PRKDC: variants seen among roughly 807,000 people sequenced by gnomAD.
The protein encoded by PRKDC is protein kinase, DNA-activated, catalytic subunit.
Under a neutral mutation model 486.9 loss-of-function variants are expected in PRKDC, and 82 were observed. The ratio of observed to expected loss-of-function variants is 0.17; its 90% CI spans 0.14 to 0.20. The LOEUF is 0.20. PRKDC is among the 10% of genes least tolerant of loss of function. The pLI is 1.00. For missense variants in PRKDC, 4,504 were observed against 5,038.2 expected, an observed-to-expected ratio of 0.89 and a Z score of 3.21; for synonymous variants, 1,895 against 1,837.0, an observed-to-expected ratio of 1.03 and a Z score of -0.81.
At position 47,807,152 on chromosome 8, in the gene PRKDC, G is replaced by C; in HGVS notation, c.9732C>G (p.Asp3244Glu). The C allele has an allele frequency of 6.2e-7, 1 of 1,613,904 alleles. No individual in the cohort carries two copies. ...GAGTACCCACCTGCTTCCGGGCACTGTCTATCATCTTCATTTTCATGGAAA... is the reference window on the plus strand; with the variant it reads ...GAGTACCCACCTGCTTCCGGGCACTCTCTATCATCTTCATTTTCATGGAAA... ...CKFSMKMKMI[D>E]SARKQNNFSL... The change falls in exon 69 of 86, where the codon GAC becomes GAG. Residue 3244 changes from aspartate to glutamate, a missense_variant. This residue lies in a region of PRKDC where 1,592 missense variants were observed against 1,724.6 expected (regional missense o/e 0.92). Transcript: ENST00000314191.
At chr8:47,891,864 G>A (rs774618032) in intron 31 of PRKDC, among the ~76,000 whole-genome samples, 3 of 152,114 alleles carry the variant, frequency 2.0e-5, no homozygotes, top group Non-Finnish European at 4.4e-5. Flanking sequence ...TTATTTATGT[G>A]AACAAGTTTT....
At position 47,820,763 on chromosome 8, in the gene PRKDC, T is replaced by C. The variant is rs377579402; in HGVS notation, c.9292A>G (p.Arg3098Gly). ...LLYLLQDDVD[R>G]AKYYIQNGIQ... ...CCATTTTGAATGTAATATTTGGCTC[T>C]GTCAACATCATCTTGCAGGAGGTAA... The change falls in exon 66 of 86, where the codon AGA (arginine) becomes GGA (glycine). Residue 3098 changes from arginine to glycine, a missense_variant. This residue lies in a region of PRKDC where 1,592 missense variants were observed against 1,724.6 expected (regional missense o/e 0.92). Transcript: ENST00000314191. 1.1e-4 allele frequency: 184 copies of C among 1,601,274 alleles called. No individual in the cohort carries two copies. The highest frequency in any genetic ancestry group is 1.5e-4 in the Non-Finnish European group (172 of 1,173,072).
Position 47,807,146 on chromosome 8 carries a change from G to C in PRKDC, c.9738C>G (p.Ala3246=), listed in dbSNP as rs1351100044. 1 of 1,613,490 alleles carries C rather than the reference G, an allele frequency of 6.2e-7. No individual in the cohort carries two copies. Among genetic ancestry groups the C allele is most frequent in the Non-Finnish European group, 8.5e-7 (1 of 1,179,614 alleles). Residue 3246 remains alanine, a synonymous_variant, in exon 69 of 86, where the codon GCC becomes GCG. Transcript: ENST00000314191. ...FSMKMKMIDS[A]RKQNNFSLAM... ...AGACACGAGTACCCACCTGCTTCCG[G>C]GCACTGTCTATCATCTTCATTTTCA...
At chr8:47,810,993 G>A (rs2087315297) in intron 68 of PRKDC, among the ~76,000 whole-genome samples, 1 of 152,162 alleles carries the variant, frequency 6.6e-6, no homozygotes. Flanking sequence ...GAGACCAAGA[G>A]AAATTTGGAC....
intron 63 of PRKDC, 120 bp from the exon 64 acceptor site, chr8:47,824,116 GTTACT>G (rs2087671707): frequency 1.9e-6 from 2 of 1,050,350 alleles, no homozygotes; most frequent in Non-Finnish European, 1.2e-6. Context: ...GACATAAAGT[GTTACT>G]TTAATTTTGC....
At chr8:47,822,062 C>T (rs1399892457) in intron 64 of PRKDC, among the ~76,000 whole-genome samples, 1 of 152,200 alleles carries the variant, frequency 6.6e-6, no homozygotes, top group Non-Finnish European at 1.5e-5. Context: ...GCACATGGAT[C>T]ACCTGAGCCC....
At position 47,807,295 on chromosome 8, in the gene PRKDC, G is replaced by C; in HGVS notation, c.9589C>G (p.Leu3197Val). ...CTATTATCTTCTGGAAGAGGGGTAA[G>C]CTTCTCCTCTATTTTGCTGAGAAAG... Reference protein sequence around the residue: ...CFFLSKIEEKLTPLPEDNSMN... With the variant: ...CFFLSKIEEKVTPLPEDNSMN... The change falls in exon 69 of 86, where the codon CTT becomes GTT. Residue 3197 changes from leucine (L) to valine (V), a missense_variant. Around this residue, in one of 6 missense-constraint regions of PRKDC, gnomAD observed 1,592 missense variants for 1,724.6 expected, o/e 0.92. Transcript: ENST00000314191. 3 of 1,590,908 alleles carry C rather than the reference G, an allele frequency of 1.9e-6. No individual in the cohort carries two copies. Among genetic ancestry groups the C allele is most frequent in the Non-Finnish European group, 2.6e-6 (3 of 1,167,050 alleles).
At chr8:47,853,292 G>A (rs1028894619) in intron 51 of PRKDC, among the ~76,000 whole-genome samples, 9 of 152,198 alleles carry the variant, frequency 5.9e-5, no homozygotes, top group Non-Finnish European at 1.2e-4. Flanking sequence ...AAAAGGAGCC[G>A]AGTTCCCACT....
At chr8:47,901,165 G>A (rs1291661583) in intron 27 of PRKDC, among the ~76,000 whole-genome samples, 3 of 150,068 alleles carry the variant, frequency 2.0e-5, no homozygotes, top group Admixed American at 6.6e-5. Flanking sequence ...AAAAAAGGGC[G>A]GGGTGGGGGG....
intron 60 of PRKDC, among the ~76,000 whole-genome samples, chr8:47,831,601 C>T (rs2087876344): frequency 6.6e-6 from 1 of 152,092 alleles, no homozygotes; most frequent in African/African-American, 2.4e-5. Context: ...CTTCCACCCG[C>T]GGAGAGAACT....
At chr8:47,899,059 T>A (rs2089634292) in intron 28 of PRKDC, among the ~76,000 whole-genome samples, 1 of 152,248 alleles carries the variant, frequency 6.6e-6, no homozygotes, top group Admixed American at 6.5e-5. Flanking sequence ...TCTGGAGAAG[T>A]ACAACAGAGG....
At chr8:47,899,613 A>C (rs2089643380) in intron 28 of PRKDC, among the ~76,000 whole-genome samples, 1 of 152,220 alleles carries the variant, frequency 6.6e-6, no homozygotes, top group African/African-American at 2.4e-5. Context: ...ACTGCACTCC[A>C]GCCTGGGTGA....
At chr8:47,836,576 GCTC>G (rs751008829) in intron 57 of PRKDC, 49 bp from the exon 58 acceptor site, 80 of 1,464,610 alleles carry the variant, frequency 5.5e-5, no homozygotes, top group African/African-American at 8.4e-5. Context: ...ATGAAATAAT[GCTC>G]CTTTTTTAGG....
chr8:47,934,475 CAGTG>C (rs2090312933), intron 14 of PRKDC, among the ~76,000 whole-genome samples: 1 of 152,192 alleles, frequency 6.6e-6, no homozygotes, highest in Non-Finnish European at 1.5e-5. Flanking sequence ...GGGAAGGTTG[CAGTG>C]AGCCAAGATC....
In PRKDC at chr8:47,876,529, C is replaced by T. The variant is rs939696351; in HGVS notation, c.5363+1195G>A. 1.6e-4 allele frequency among the ~76,000 whole-genome samples: 24 copies of T among 152,058 alleles called. No individual in the cohort carries two copies. In the South Asian group the frequency reaches 2.7e-3, roughly 17 times the overall value. ...ATACAAAAATTAGCCAGTGTGTTGG[C>T]GTGTGCCTGTAATCCCAGCTACTCG... On this transcript the variant is annotated intron_variant, in intron 40 of 85. Coordinates refer to ENST00000314191, the MANE Select transcript of PRKDC (RefSeq NM_006904.7).
At chr8:47,893,796 T>C (rs746053695) in intron 30 of PRKDC, among the ~76,000 whole-genome samples, 8 of 152,220 alleles carry the variant, frequency 5.3e-5, no homozygotes, top group Non-Finnish European at 1.2e-4. Flanking sequence ...AAGTGCAGTG[T>C]TTGTTAAATA....
rs539126182 is a variant in PRKDC, at chr8:47,776,993, A to G, written c.12043-10T>C. ...TTTTCTGTTCAAAATTCTAGAAGAAAAGAACATGATTTTCCCGGCTGATCA... is the reference window on the plus strand; with the variant it reads ...TTTTCTGTTCAAAATTCTAGAAGAAGAGAACATGATTTTCCCGGCTGATCA... On this transcript the variant is annotated splice_polypyrimidine_tract_variant and intron_variant, in intron 84 of 85. Coordinates refer to ENST00000314191, the MANE Select transcript of PRKDC (RefSeq NM_006904.7). The G allele has an allele frequency of 6.2e-7, 1 of 1,607,500 alleles. No individual in the cohort carries two copies. Among genetic ancestry groups the G allele is most frequent in the Middle Eastern group, 1.7e-4 (1 of 5,868 alleles).
rs182757133 is a variant in PRKDC, at chr8:47,905,616, C to T, written c.2935-640G>A. On this transcript the variant is annotated intron_variant, in intron 25 of 85. Coordinates refer to ENST00000314191, the MANE Select transcript of PRKDC (RefSeq NM_006904.7). ...TGACAAAATGAAACCCAATCAATGTCCTATATACACAAATTCAAAGCCAGT... is the reference window on the plus strand; with the variant it reads ...TGACAAAATGAAACCCAATCAATGTTCTATATACACAAATTCAAAGCCAGT... 2.0e-5 allele frequency among the ~76,000 whole-genome samples: 3 copies of T among 152,198 alleles called. No homozygotes were observed. In the East Asian group the frequency reaches 5.8e-4, roughly 29 times the overall value.
At position 47,890,392 on chromosome 8, in the gene PRKDC, G is replaced by A; in HGVS notation, c.3936C>T (p.Cys1312=). 1 of 1,608,760 alleles carries A rather than the reference G, an allele frequency of 6.2e-7. No individual in the cohort carries two copies. Among genetic ancestry groups the A allele is most frequent in the Non-Finnish European group, 8.5e-7 (1 of 1,177,370 alleles). The change falls in exon 32 of 86, where the codon TGC becomes TGT. Residue 1312 remains cysteine, a synonymous_variant. Coordinates refer to ENST00000314191, the MANE Select transcript of PRKDC (RefSeq NM_006904.7). ...AMHDIIAAEK[C]FGTGAAGNRT... is the part of the protein sequence containing the mutation. ...TGTTACCTGCTGCCCCAGTGCCAAA[G>A]CACTTTTCTGCTGCTATAATGTCAT...
Sources: gnomAD v4.1 joint callset for allele counts (sites outside exome capture counted in the v4.1 genomes callset) on GRCh38, gnomAD v4.1.1 for gene constraint, gnomAD v4.1.1 regional missense constraint, MANE v1.5 for transcripts, NCBI Gene and HGNC (gene_info 2026-07-23, HGNC 2026-07-21) for gene names.